INTS6L: variants seen among roughly 807,000 people sequenced by gnomAD.
INTS6L encodes the protein integrator complex subunit 6 like.
INTS6L carries 18 observed loss-of-function variants against 64.7 expected under a neutral mutation model. That is an observed-to-expected ratio of 0.28 (90% CI 0.19 to 0.41). The LOEUF (loss-of-function observed/expected upper bound fraction) is 0.41. Ranked by LOEUF, INTS6L falls within the 10% of genes least tolerant of loss-of-function variation. The pLI, the probability that INTS6L is intolerant of heterozygous loss-of-function variation, is 1.00. For synonymous variants in INTS6L, 227 were observed against 235.9 expected (o/e 0.96, Z 0.34); for missense variants, 533 against 661.0 (o/e 0.81, Z 2.12).
At position 135,580,281 on chromosome X, in the gene INTS6L, A is replaced by C. The variant is rs918274800; in HGVS notation, c.2494+119A>C. Reference sequence around the variant, plus strand: ...TGGGGGCAATATTGGGCTTTCACATAGTTTAAGGCAGTTCCTCTTGTTTTA... The same window carrying C: ...TGGGGGCAATATTGGGCTTTCACATCGTTTAAGGCAGTTCCTCTTGTTTTA... On this transcript the variant is annotated intron_variant, in intron 16 of 17. Transcript: ENST00000639893. The C allele has an allele frequency of 3.0e-5, 24 of 805,466 alleles. No homozygotes were observed. The African/African-American group carries it at 5.0e-4, about 17-fold the overall frequency. The allele number at this position is 805,466 out of a possible 1,213,427, so 66.4% of individuals were successfully genotyped here. A position where few individuals can be genotyped will look rare whatever the true frequency, so the allele number is the denominator to read the frequency against.
chrX:135,546,535 G>A, intron 4 of INTS6L, 66 bp downstream of exon 4: 1 of 1,000,486 alleles, frequency 1.0e-6, no homozygotes, highest in East Asian at 3.2e-5. Flanking sequence ...TTCTGTGGGA[G>A]GCATTTCCAG....
At chrX:135,579,567 G>T (rs1436260084) in intron 15 of INTS6L, among the ~76,000 whole-genome samples, 3 of 112,171 alleles carry the variant, frequency 2.7e-5, no homozygotes, top group Non-Finnish European at 5.6e-5. Context: ...GAGTTGTACT[G>T]TCTTACTTGG....
rs1302972252 is a variant in INTS6L at position 135,582,463 on chromosome X, G to T, written c.*827G>T. On this transcript the variant is annotated 3_prime_UTR_variant, in exon 18 of 18. Coordinates refer to ENST00000639893, the MANE Select transcript of INTS6L (RefSeq NM_001351601.3). ...AAATTAAAGTGTACAAAGAGATTTT[G>T]ATTTTGCATATATAAAATAAATCAT... 3 of 112,229 alleles carry T rather than the reference G, an allele frequency of 2.7e-5. No homozygotes were observed. The highest frequency in any genetic ancestry group is 5.6e-5 in the Non-Finnish European group (3 of 53,281). The allele number at this position is 112,229 out of a possible 1,213,427, so 9.2% of individuals were successfully genotyped here.
Position 135,563,651 on chromosome X carries a change from ATATATAGCTATATATATAGC to A in INTS6L, c.1193-5679_1193-5660del, listed in dbSNP as rs1269816830. ...TGTGTGTGTATATATATATATATATATATATAGCTATATATATAGCTATATATATAGCTAGGTATAGAATT... is the reference window on the plus strand; with the variant it reads ...TGTGTGTGTATATATATATATATATATATATATATAGCTAGGTATAGAATT... On this transcript the variant is annotated intron_variant, in intron 9 of 17. Transcript: ENST00000639893. Among the ~76,000 whole-genome samples, 18 of 3,017 alleles carry A rather than the reference ATATATAGCTATATATATAGC, an allele frequency of 6.0e-3. 1 individual carries two copies. The highest frequency in any genetic ancestry group is 0.011 in the African/African-American group (18 of 1,678). 2.6% of individuals were successfully genotyped at this position (3,017 alleles called of 115,157 possible).
chrX:135,545,718 A>T, intron 3 of INTS6L, 146 bp downstream of exon 3: 1 of 581,519 alleles, frequency 1.7e-6, no homozygotes, highest in Non-Finnish European at 2.5e-6. Context: ...TATACTTTTT[A>T]AAAATCCCTC....
At chrX:135,568,668 A>G (rs1008997438) in intron 9 of INTS6L, among the ~76,000 whole-genome samples, 6 of 109,962 alleles carry the variant, frequency 5.5e-5, no homozygotes, top group East Asian at 2.9e-4. Flanking sequence ...TCCTGCCTCA[A>G]CCTCCCCAGC....
intron 13 of INTS6L, 98 bp downstream of exon 13, chrX:135,574,160 G>A: frequency 1.1e-6 from 1 of 886,187 alleles, no homozygotes; most frequent in Admixed American, 4.3e-5. Context: ...CTATTTTATA[G>A]TATTTTAATG....
intron 9 of INTS6L, among the ~76,000 whole-genome samples, chrX:135,558,245 C>A (rs1162293217): frequency 9.0e-6 from 1 of 111,376 alleles, no homozygotes; most frequent in Non-Finnish European, 1.9e-5. Context: ...GATAGAAGTA[C>A]CTCAAAAAAT....
intron 9 of INTS6L, among the ~76,000 whole-genome samples, chrX:135,561,566 C>T (rs181516564): frequency 1.6e-3 from 183 of 111,932 alleles, no homozygotes; most frequent in African/African-American, 5.4e-3. Context: ...AAGTGCTTCT[C>T]CTATTCTGTT....
intron 6 of INTS6L, among the ~76,000 whole-genome samples, chrX:135,547,917 A>C (rs2086396941): frequency 9.0e-6 from 1 of 111,460 alleles, no homozygotes; most frequent in Non-Finnish European, 1.9e-5. Flanking sequence ...ACTTGAATGC[A>C]AATGAATTTC....
chrX:135,570,735 C>A, intron 11 of INTS6L, 189 bp downstream of exon 11: 1 of 464,339 alleles, frequency 2.2e-6, no homozygotes, highest in South Asian at 5.1e-5. Flanking sequence ...CTGTCAGTAT[C>A]ATTTGATGCT....
At chrX:135,574,177 A>G in intron 13 of INTS6L, 115 bp downstream of exon 13, 2 of 882,831 alleles carry the variant, frequency 2.3e-6, no homozygotes, top group Non-Finnish European at 3.0e-6. Flanking sequence ...AATGTTTAAA[A>G]TGCCTGTTTT....
chrX:135,549,811 T>C lies in INTS6L; in HGVS notation c.906+6T>C. ...ATCAGAATTTACCTTCACTAGTAAGTGTCATAAAATAAAAAGGTAAACATC... is the reference window on the plus strand; with the variant it reads ...ATCAGAATTTACCTTCACTAGTAAGCGTCATAAAATAAAAAGGTAAACATC... On this transcript the variant is annotated splice_donor_region_variant and intron_variant, in intron 7 of 17. Coordinates refer to ENST00000639893, the MANE Select transcript of INTS6L (RefSeq NM_001351601.3). 8.3e-7 allele frequency: 1 copy of C among 1,207,493 alleles called. No individual in the cohort carries two copies. The highest frequency in any genetic ancestry group is 1.1e-6 in the Non-Finnish European group (1 of 893,054).
At chrX:135,539,829 G>T (rs1241015906) in intron 2 of INTS6L, among the ~76,000 whole-genome samples, 1 of 111,594 alleles carries the variant, frequency 9.0e-6, no homozygotes, top group Non-Finnish European at 1.9e-5. Flanking sequence ...ACAGCTGGTC[G>T]ATGGAGCAGT....
chrX:135,548,157 T>C (rs782039903), intron 6 of INTS6L, among the ~76,000 whole-genome samples: 7 of 110,934 alleles, frequency 6.3e-5, no homozygotes, highest in African/African-American at 2.3e-4. Flanking sequence ...AGGGGTCAAA[T>C]GCATAAGGGC....
chrX:135,565,489 C>T (rs1302345784), intron 9 of INTS6L, among the ~76,000 whole-genome samples: 4 of 111,676 alleles, frequency 3.6e-5, no homozygotes, highest in African/African-American at 1.3e-4. Flanking sequence ...TCCTGGTCAC[C>T]TTTTAGTTTG....
chrX:135,551,439 A>G (rs951260726), intron 7 of INTS6L, among the ~76,000 whole-genome samples: 1 of 112,514 alleles, frequency 8.9e-6, no homozygotes, highest in Admixed American at 9.4e-5. Flanking sequence ...CAATGCTGCA[A>G]AAATCCATCT....
At chrX:135,527,252 A>G (rs1416196885) in intron 2 of INTS6L, among the ~76,000 whole-genome samples, 10 of 111,998 alleles carry the variant, frequency 8.9e-5, no homozygotes, top group African/African-American at 3.3e-4. Flanking sequence ...GTGTTTCCAA[A>G]AGACAAGTGT....
intron 6 of INTS6L, among the ~76,000 whole-genome samples, chrX:135,548,840 T>C (rs1434229267): frequency 8.9e-6 from 1 of 112,371 alleles, no homozygotes; most frequent in African/African-American, 3.2e-5. Context: ...CTTTTACAAA[T>C]ATTATCATTA....
Sources: allele counts gnomAD v4.1 joint callset (sites outside exome capture counted in the v4.1 genomes callset), GRCh38; gene constraint gnomAD v4.1.1; transcripts MANE v1.5; gene names NCBI Gene and HGNC (gene_info 2026-07-23, HGNC 2026-07-21).